The following CSMD1 variants were observed in gnomAD, a reference collection of about 807,000 sequenced individuals.
The protein encoded by CSMD1 is CUB and sushi domain-containing protein 1.
A neutral mutation model predicts 417.5 loss-of-function variants in CSMD1; 213 were observed. The ratio of observed to expected loss-of-function variants is 0.51; its 90% CI spans 0.46 to 0.57. The LOEUF (loss-of-function observed/expected upper bound fraction) is 0.57, where lower values mean the gene tolerates loss of function less well. Ranked by LOEUF, CSMD1 falls within the 20% of genes least tolerant of loss-of-function variation. The pLI, the probability that CSMD1 is intolerant of heterozygous loss-of-function variation, is 0.00. For missense variants in CSMD1, 6,923 were observed against 4,529.7 expected (o/e 1.53, Z -15.17); for synonymous variants, 2,862 against 1,736.8 (o/e 1.65, Z -16.11).
chr8:3,826,125 G>A (rs966067980), intron 5 of CSMD1, among the ~76,000 whole-genome samples: 1 of 152,096 alleles, frequency 6.6e-6, no homozygotes, highest in African/African-American at 2.4e-5. Context: ...GCCGTCAGCA[G>A]GGAACTCACA....
chr8:4,750,063 G>T (rs895791586), intron 1 of CSMD1, among the ~76,000 whole-genome samples: 2 of 150,424 alleles, frequency 1.3e-5, no homozygotes, highest in African/African-American at 2.4e-5. Flanking sequence ...CTGGAGTGCA[G>T]TGGGCGATCT....
chr8:4,205,568 G>C (rs993933735), intron 3 of CSMD1, among the ~76,000 whole-genome samples: 5 of 152,194 alleles, frequency 3.3e-5, no homozygotes, highest in African/African-American at 9.7e-5. Flanking sequence ...TCACTGAAGT[G>C]ACACAGCATA....
At chr8:3,800,230 T>C (rs1386535693) in intron 5 of CSMD1, among the ~76,000 whole-genome samples, 2 of 152,170 alleles carry the variant, frequency 1.3e-5, no homozygotes, top group African/African-American at 2.4e-5. Context: ...TTGATGATGA[T>C]ACAGTCATCC....
At chr8:4,461,804 G>T (rs1251713370) in intron 2 of CSMD1, among the ~76,000 whole-genome samples, 5 of 145,616 alleles carry the variant, frequency 3.4e-5, no homozygotes, top group Non-Finnish European at 7.5e-5. Context: ...GCAGTAGTAC[G>T]ATCTCAGCTC....
intron 2 of CSMD1, among the ~76,000 whole-genome samples, chr8:4,448,792 C>A (rs1798964292): frequency 6.6e-6 from 1 of 152,132 alleles, no homozygotes; most frequent in Admixed American, 6.5e-5. Context: ...ATGTCATCTG[C>A]AGAAGGAGAC....
chr8:4,907,158 A>T (rs186800368), intron 1 of CSMD1, among the ~76,000 whole-genome samples: 20 of 152,344 alleles, frequency 1.3e-4, no homozygotes, highest in Admixed American at 6.5e-4. Flanking sequence ...AAATATTCTT[A>T]CTTAAATCAC....
intron 3 of CSMD1, among the ~76,000 whole-genome samples, chr8:4,203,572 G>A (rs919339636): frequency 2.0e-5 from 3 of 152,128 alleles, no homozygotes; most frequent in Non-Finnish European, 4.4e-5. Flanking sequence ...GGAAGTCAGT[G>A]TAGCTGGGAG....
intron 3 of CSMD1, among the ~76,000 whole-genome samples, chr8:4,351,173 G>A (rs537283451): frequency 1.2e-3 from 190 of 152,048 alleles, no homozygotes; most frequent in African/African-American, 4.3e-3. Context: ...AAAAATTAGG[G>A]AAAGAACAAA....
At chr8:4,716,876 T>C (rs1808691339) in intron 1 of CSMD1, among the ~76,000 whole-genome samples, 1 of 152,106 alleles carries the variant, frequency 6.6e-6, no homozygotes, top group Non-Finnish European at 1.5e-5. Context: ...TAGATTGAAA[T>C]TAATTCTCTA....
intron 5 of CSMD1, among the ~76,000 whole-genome samples, chr8:3,861,371 G>T (rs895745328): frequency 6.6e-6 from 1 of 152,196 alleles, no homozygotes; most frequent in African/African-American, 2.4e-5. Flanking sequence ...AATATGAGCT[G>T]TCTTAGCAGA....
At chr8:3,259,216 CTGAA>C (rs1800877549) in intron 26 of CSMD1, among the ~76,000 whole-genome samples, 1 of 152,186 alleles carries the variant, frequency 6.6e-6, no homozygotes, top group Non-Finnish European at 1.5e-5. Context: ...CCTAAATAAT[CTGAA>C]AGGCGTTTTC....
At chr8:3,826,836 C>CAGTGT (rs1802082725) in intron 5 of CSMD1, among the ~76,000 whole-genome samples, 1 of 152,134 alleles carries the variant, frequency 6.6e-6, no homozygotes, top group Non-Finnish European at 1.5e-5. Context: ...ATCTAGGCTG[C>CAGTGT]AGTGTAGTGG....
intron 50 of CSMD1, among the ~76,000 whole-genome samples, chr8:3,030,692 C>T (rs1810286521): frequency 1.3e-5 from 2 of 152,066 alleles, no homozygotes; most frequent in African/African-American, 4.8e-5. Flanking sequence ...ACCACGTGGG[C>T]CAGGCTGCTC....
intron 10 of CSMD1, among the ~76,000 whole-genome samples, chr8:3,571,772 C>T (rs1442861452): frequency 7.8e-6 from 1 of 128,462 alleles, no homozygotes; most frequent in Non-Finnish European, 1.7e-5. Flanking sequence ...GGCAATTTCC[C>T]CTGCACCACT....
chr8:3,221,775 A>G (rs1379416139), intron 28 of CSMD1, among the ~76,000 whole-genome samples: 3 of 152,172 alleles, frequency 2.0e-5, no homozygotes, highest in South Asian at 2.1e-4. Flanking sequence ...GAGCCCCACA[A>G]TCCACAGGGA....
At chr8:3,869,316 T>C (rs1805319646) in intron 5 of CSMD1, among the ~76,000 whole-genome samples, 2 of 152,188 alleles carry the variant, frequency 1.3e-5, no homozygotes, top group African/African-American at 4.8e-5. Flanking sequence ...TTTCTCTCCA[T>C]GGCATGTATC....
At chr8:4,215,831 G>A (rs536236977) in intron 3 of CSMD1, among the ~76,000 whole-genome samples, 6 of 152,192 alleles carry the variant, frequency 3.9e-5, no homozygotes, top group Non-Finnish European at 8.8e-5. Context: ...AGAACACAGT[G>A]CATGGAAAAG....
intron 10 of CSMD1, among the ~76,000 whole-genome samples, chr8:3,506,049 C>T (rs1429932001): frequency 6.6e-6 from 1 of 152,134 alleles, no homozygotes; most frequent in Non-Finnish European, 1.5e-5. Context: ...GTAGAAAGGG[C>T]AACCAAGTTC....
At chr8:4,563,647 A>G (rs1798450762) in intron 2 of CSMD1, among the ~76,000 whole-genome samples, 1 of 152,206 alleles carries the variant, frequency 6.6e-6, no homozygotes, top group South Asian at 2.1e-4. Context: ...CATAAAACCT[A>G]AAAGTGATGT....
Sources: gnomAD v4.1 joint callset for allele counts (sites outside exome capture counted in the v4.1 genomes callset) on GRCh38, gnomAD v4.1.1 for gene constraint, MANE v1.5 for transcripts, NCBI Gene and HGNC (gene_info 2026-07-23, HGNC 2026-07-21) for gene names.